The following OPCML variants were observed in gnomAD, a reference collection of about 807,000 sequenced individuals.
The protein encoded by OPCML is opioid binding protein/cell adhesion molecule like.
A neutral mutation model predicts 37.8 loss-of-function variants in OPCML; 13 were observed. The ratio of observed to expected loss-of-function variants is 0.34; its 90% CI spans 0.22 to 0.55. The LOEUF is 0.55. Among genes scored for constraint, OPCML ranks in the 20% least tolerant of loss-of-function variants. OPCML has a pLI of 0.91. For synonymous variants in OPCML, 176 were observed against 168.8 expected (o/e 1.04, Z -0.33); for missense variants, 341 against 435.6 (o/e 0.78, Z 1.93).
At chr11:133,133,659 A>G (rs896837868) in intron 1 of OPCML, among the ~76,000 whole-genome samples, 1 of 152,028 alleles carries the variant, frequency 6.6e-6, no homozygotes, top group Non-Finnish European at 1.5e-5. Flanking sequence ...CCTCCCTTTG[A>G]TTAATAACAT....
chr11:133,357,695 G>T (rs909423823), intron 1 of OPCML, among the ~76,000 whole-genome samples: 2 of 152,162 alleles, frequency 1.3e-5, no homozygotes, highest in African/African-American at 4.8e-5. Context: ...TTCTGAGGAA[G>T]AATTTTCCTC....
At chr11:133,466,788 A>G (rs1241001550) in intron 1 of OPCML, among the ~76,000 whole-genome samples, 1 of 152,198 alleles carries the variant, frequency 6.6e-6, no homozygotes, top group Non-Finnish European at 1.5e-5. Flanking sequence ...AGAGGAAGAA[A>G]GAAGAAGGCA....
chr11:133,348,887 G>A (rs989740071), intron 1 of OPCML, among the ~76,000 whole-genome samples: 1 of 152,172 alleles, frequency 6.6e-6, no homozygotes, highest in Non-Finnish European at 1.5e-5. Flanking sequence ...TGACATTTAA[G>A]GAATCTGCAG....
At chr11:133,253,985 T>C (rs1311247070) in intron 1 of OPCML, among the ~76,000 whole-genome samples, 5 of 151,700 alleles carry the variant, frequency 3.3e-5, no homozygotes, top group African/African-American at 1.2e-4. Context: ...CTCAATCTCC[T>C]ATGGACAAAA....
chr11:132,551,897 T>A (rs1591539500), intron 3 of OPCML, among the ~76,000 whole-genome samples: 1 of 152,274 alleles, frequency 6.6e-6, no homozygotes, highest in Non-Finnish European at 1.5e-5. Flanking sequence ...TCTTGATAAA[T>A]TGGCTCTGTC....
At chr11:132,957,564 G>T (rs1238602232) in intron 1 of OPCML, among the ~76,000 whole-genome samples, 1 of 152,066 alleles carries the variant, frequency 6.6e-6, no homozygotes, top group Non-Finnish European at 1.5e-5. Context: ...TTGTTTTATT[G>T]TGCTTTGCTT....
chr11:133,427,085 T>A (rs1249466083), intron 1 of OPCML, among the ~76,000 whole-genome samples: 1 of 152,114 alleles, frequency 6.6e-6, no homozygotes, highest in Non-Finnish European at 1.5e-5. Flanking sequence ...CCAATGAATG[T>A]AAGGATATAG....
intron 2 of OPCML, among the ~76,000 whole-genome samples, chr11:132,901,675 C>T (rs764141326): frequency 1.3e-5 from 2 of 152,180 alleles, no homozygotes; most frequent in Non-Finnish European, 2.9e-5. Context: ...CCGAGATGGG[C>T]ACGGTGCGTC....
chr11:132,599,730 T>C (rs1937720889), intron 3 of OPCML, among the ~76,000 whole-genome samples: 1 of 152,276 alleles, frequency 6.6e-6, no homozygotes, highest in South Asian at 2.1e-4. Flanking sequence ...GTACATATTG[T>C]TTTGTCATTT....
In OPCML at chr11:132,695,731, A is replaced by C. The variant is rs556196270; in HGVS notation, c.147-38412T>G. On this transcript the variant is annotated intron_variant, in intron 2 of 7. Coordinates refer to ENST00000524381, the MANE Select transcript of OPCML (RefSeq NM_001012393.5). ...TCTTCCTGACACCCACTACAATGAC[A>C]GTAAAGGGGAAAATAAAAGGAATCA... Among the ~76,000 whole-genome samples the C allele has an allele frequency of 2.0e-5, 3 of 152,318 alleles. No individual in the cohort carries two copies. The South Asian group carries it at 6.2e-4, about 32-fold the overall frequency.
chr11:132,552,482 A>C (rs1420430535), intron 3 of OPCML, among the ~76,000 whole-genome samples: 1 of 152,192 alleles, frequency 6.6e-6, no homozygotes, highest in Non-Finnish European at 1.5e-5. Flanking sequence ...CAAAACAAGA[A>C]GTTCTGTTGT....
At chr11:132,739,986 GTCTA>G (rs1295573756) in intron 2 of OPCML, among the ~76,000 whole-genome samples, 2 of 152,094 alleles carry the variant, frequency 1.3e-5, no homozygotes, top group African/African-American at 4.8e-5. Context: ...TTTGATTTGT[GTCTA>G]TCTGTTTCCC....
intron 1 of OPCML, among the ~76,000 whole-genome samples, chr11:133,330,498 A>C (rs2136646451): frequency 6.6e-6 from 1 of 152,278 alleles, no homozygotes; most frequent in Admixed American, 6.5e-5. Flanking sequence ...ATGGAATACT[A>C]TGCAGCCATA....
chr11:132,690,268 C>T (rs1392484640), intron 2 of OPCML, among the ~76,000 whole-genome samples: 1 of 152,140 alleles, frequency 6.6e-6, no homozygotes, highest in African/African-American at 2.4e-5. Flanking sequence ...TAACGTGCAT[C>T]CGAGTCATCT....
intron 2 of OPCML, among the ~76,000 whole-genome samples, chr11:132,780,333 G>A (rs1261787671): frequency 6.6e-6 from 1 of 152,206 alleles, no homozygotes; most frequent in Non-Finnish European, 1.5e-5. Context: ...CATCAGTAGT[G>A]CCAACGGTAG....
At chr11:132,761,676 T>C (rs1290999863) in intron 2 of OPCML, among the ~76,000 whole-genome samples, 1 of 152,174 alleles carries the variant, frequency 6.6e-6, no homozygotes, top group Non-Finnish European at 1.5e-5. Context: ...TATCTTCTTC[T>C]CTTAACTGGT....
chr11:133,182,764 G>T lies in OPCML; in HGVS notation c.62-239754C>A, dbSNP rs1445921349. ...GTTAGGTGGGGATGAGTTTCGCAAG[G>T]CTTCATGTTATGTGAGTGCCCAGGA... On this transcript the variant is annotated intron_variant, in intron 1 of 7. Transcript: ENST00000524381. 1.4e-4 allele frequency among the ~76,000 whole-genome samples: 22 copies of T among 152,150 alleles called. 1 individual carries two copies. The highest frequency in any genetic ancestry group is 1.4e-3 in the Admixed American group (22 of 15,272).
intron 1 of OPCML, among the ~76,000 whole-genome samples, chr11:133,395,306 C>T (rs1254505379): frequency 6.6e-6 from 1 of 152,070 alleles, no homozygotes; most frequent in Non-Finnish European, 1.5e-5. Context: ...CAAATATTTT[C>T]TCCCGTCCTG....
chr11:132,496,886 A>G (rs1185552194), intron 4 of OPCML, among the ~76,000 whole-genome samples: 4 of 152,218 alleles, frequency 2.6e-5, no homozygotes, highest in Non-Finnish European at 5.9e-5. Flanking sequence ...AGAGCCTTCC[A>G]TAATGATGAT....
Sources: allele counts gnomAD v4.1 joint callset (sites outside exome capture counted in the v4.1 genomes callset), GRCh38; gene constraint gnomAD v4.1.1; transcripts MANE v1.5; gene names NCBI Gene and HGNC (gene_info 2026-07-23, HGNC 2026-07-21).